Variants in PPARGC1A observed in about 807,000 individuals in gnomAD.
The protein encoded by PPARGC1A is peroxisome proliferator-activated receptor gamma coactivator 1-alpha.
PPARGC1A carries 25 observed loss-of-function variants against 88.7 expected under a neutral mutation model. The ratio of observed to expected loss-of-function variants is 0.28; its 90% CI spans 0.21 to 0.39. The LOEUF is 0.39. PPARGC1A is among the 10% of genes least tolerant of loss of function. The pLI, the probability that PPARGC1A is intolerant of heterozygous loss-of-function variation, is 1.00. For synonymous variants in PPARGC1A, 363 were observed against 355.6 expected (o/e 1.02, Z -0.24); for missense variants, 880 against 968.7 (o/e 0.91, Z 1.22).
the PPARGC1A span, among the ~76,000 whole-genome samples, chr4:24,247,930 C>A: frequency 6.6e-6 from 1 of 152,162 alleles, no homozygotes; most frequent in African/African-American, 2.4e-5. Context: ...CTTTCCCCCA[C>A]CTAATATCGA....
the PPARGC1A span, among the ~76,000 whole-genome samples, chr4:24,117,353 T>C: frequency 6.6e-6 from 1 of 152,166 alleles, no homozygotes; most frequent in Non-Finnish European, 1.5e-5. Flanking sequence ...CAGGTGAAGT[T>C]CCAGTTAGGA....
the PPARGC1A span, among the ~76,000 whole-genome samples, chr4:24,305,591 T>C: frequency 6.6e-6 from 1 of 152,132 alleles, no homozygotes; most frequent in Admixed American, 6.5e-5. Flanking sequence ...GGCAGGTGGA[T>C]CACCTGAAGT....
the PPARGC1A span, among the ~76,000 whole-genome samples, chr4:24,273,994 C>A: frequency 6.6e-6 from 1 of 151,906 alleles, no homozygotes; most frequent in South Asian, 2.1e-4. Context: ...CCGCCTCAAC[C>A]TCCCAAAGTG....
the PPARGC1A span, among the ~76,000 whole-genome samples, chr4:24,017,712 A>G: frequency 1.3e-5 from 2 of 152,316 alleles, no homozygotes; most frequent in Admixed American, 6.5e-5. Context: ...AGCATTCAGC[A>G]TACTTTATGA....
At chr4:24,022,667 G>T in the PPARGC1A span, among the ~76,000 whole-genome samples, 4 of 152,170 alleles carry the variant, frequency 2.6e-5, no homozygotes, top group Non-Finnish European at 5.9e-5. Flanking sequence ...TTTGGAGTTG[G>T]TGTCACCAGT....
intron 1 of PPARGC1A, 28 bp downstream of exon 1, chr4:23,889,876 T>C (rs776179005): frequency 5.0e-5 from 80 of 1,610,944 alleles, no homozygotes; most frequent in Non-Finnish European, 6.6e-5. Context: ...CAGTTGTGGC[T>C]GCAGCGCCGA....
intron 2 of PPARGC1A, among the ~76,000 whole-genome samples, chr4:23,870,361 G>A (rs1241013679): frequency 6.6e-6 from 1 of 152,192 alleles, no homozygotes; most frequent in Non-Finnish European, 1.5e-5. Context: ...CAAAATGACT[G>A]TATGGACCTA....
the PPARGC1A span, among the ~76,000 whole-genome samples, chr4:23,999,351 G>C: frequency 1.1e-4 from 16 of 152,210 alleles, no homozygotes; most frequent in Admixed American, 2.0e-4. Flanking sequence ...TCGTACAACA[G>C]CTGTTTAGAG....
At chr4:24,353,860 C>T in the PPARGC1A span, among the ~76,000 whole-genome samples, 2 of 152,206 alleles carry the variant, frequency 1.3e-5, no homozygotes, top group East Asian at 1.9e-4. Flanking sequence ...GGTACACACA[C>T]TAGGTTCAGA....
At chr4:23,885,994 T>G (rs1433118596) in intron 1 of PPARGC1A, among the ~76,000 whole-genome samples, 1 of 152,190 alleles carries the variant, frequency 6.6e-6, no homozygotes, top group African/African-American at 2.4e-5. Flanking sequence ...CCCTTACCAA[T>G]GAGGTGGTCT....
chr4:23,947,512 C>CA, the PPARGC1A span, among the ~76,000 whole-genome samples: 1 of 151,486 alleles, frequency 6.6e-6, no homozygotes. Flanking sequence ...AACCCCAGAA[C>CA]CTGCATCTTC....
the PPARGC1A span, among the ~76,000 whole-genome samples, chr4:24,260,115 T>C: frequency 1.3e-5 from 2 of 152,226 alleles, no homozygotes; most frequent in Non-Finnish European, 2.9e-5. Context: ...TATATTCATG[T>C]TTTTACATTT....
At chr4:23,908,517 G>A (rs1197312686), upstream of PPARGC1A, among the ~76,000 whole-genome samples, 1 of 146,906 alleles carries the variant, frequency 6.8e-6, no homozygotes. Context: ...TAGGGAACAG[G>A]AAAAAAAAAA....
chr4:24,146,386 T>C, the PPARGC1A span, among the ~76,000 whole-genome samples: 25 of 152,234 alleles, frequency 1.6e-4, 1 homozygote, highest in African/African-American at 6.0e-4. Flanking sequence ...GTCTTCATTT[T>C]GAAGGACTCG....
intron 5 of PPARGC1A, 121 bp downstream of exon 5, chr4:23,828,279 C>T: frequency 9.5e-7 from 1 of 1,051,632 alleles, no homozygotes; most frequent in South Asian, 1.5e-5. Flanking sequence ...GTGCTGAATT[C>T]TCTTTCCACA....
the PPARGC1A span, among the ~76,000 whole-genome samples, chr4:23,912,120 C>T: frequency 4.6e-5 from 7 of 152,074 alleles, no homozygotes; most frequent in African/African-American, 1.4e-4. Context: ...ACAGAGAATT[C>T]CCAGTGAAGA....
chr4:24,291,716 C>T, the PPARGC1A span, among the ~76,000 whole-genome samples: 11 of 152,220 alleles, frequency 7.2e-5, no homozygotes, highest in Admixed American at 3.9e-4. Flanking sequence ...CTGAACTCAG[C>T]GGCTCTGGGG....
the PPARGC1A span, among the ~76,000 whole-genome samples, chr4:24,013,737 A>G: frequency 6.6e-6 from 1 of 152,204 alleles, no homozygotes; most frequent in African/African-American, 2.4e-5. Context: ...TTTTGGCAAA[A>G]GGAAATGCAA....
the PPARGC1A span, among the ~76,000 whole-genome samples, chr4:23,933,272 C>T: frequency 6.6e-6 from 1 of 152,164 alleles, no homozygotes; most frequent in African/African-American, 2.4e-5. Flanking sequence ...TAAAGCTCAC[C>T]ACCTTCATTG....
Sources: allele counts gnomAD v4.1 joint callset (sites outside exome capture counted in the v4.1 genomes callset), GRCh38; gene constraint gnomAD v4.1.1; transcripts MANE v1.5; gene names NCBI Gene and HGNC (gene_info 2026-07-23, HGNC 2026-07-21).